Variants in CFAP77 observed in about 807,000 individuals in gnomAD.
CFAP77 encodes the protein cilia and flagella associated protein 77.
A neutral mutation model predicts 31.1 loss-of-function variants in CFAP77; 25 were observed. The ratio of observed to expected loss-of-function variants is 0.80; its 90% CI spans 0.59 to 1.12. CFAP77 has a LOEUF of 1.12. Among genes scored for constraint, CFAP77 ranks in the 50% most tolerant of loss-of-function variants. The probability of loss-of-function intolerance (pLI) is 0.00; values close to 1 mark genes in which losing one functional copy is unlikely to be tolerated. For missense variants in CFAP77, 377 were observed against 397.3 expected, an observed-to-expected ratio of 0.95 and a Z score of 0.44; for synonymous variants, 151 against 159.9, an observed-to-expected ratio of 0.94 and a Z score of 0.42.
intron 1 of CFAP77, among the ~76,000 whole-genome samples, chr9:132,487,968 C>A (rs545402452): frequency 6.6e-6 from 1 of 152,132 alleles, no homozygotes; most frequent in East Asian, 1.9e-4. Context: ...AACTACCCCC[C>A]CATGAGCAAA....
chr9:132,460,882 C>G (rs539042555), intron 1 of CFAP77, among the ~76,000 whole-genome samples: 1 of 152,038 alleles, frequency 6.6e-6, no homozygotes, highest in African/African-American at 2.4e-5. Context: ...CCCGCCACCA[C>G]GCCCAGCTAA....
At chr9:132,458,342 C>CGGGGGGGG (rs1554738844) in intron 1 of CFAP77, among the ~76,000 whole-genome samples, 4 of 71,222 alleles carry the variant, frequency 5.6e-5, no homozygotes, top group East Asian at 7.3e-4. Context: ...GTCTCCCTGG[C>CGGGGGGGG]GGGGGAGGGG....
At chr9:132,452,715 A>G (rs56078322) in intron 1 of CFAP77, among the ~76,000 whole-genome samples, 12,769 of 152,208 alleles carry the variant, frequency 0.084, 518 homozygotes, top group Middle Eastern at 0.14. Context: ...GGATATAAAG[A>G]AGAGGTGCCC....
chr9:132,432,960 C>T (rs1000337343), intron 1 of CFAP77, among the ~76,000 whole-genome samples: 5 of 152,206 alleles, frequency 3.3e-5, no homozygotes, highest in Middle Eastern at 3.4e-3. Flanking sequence ...GTGATCTGCC[C>T]GCCTCAGCCT....
chr9:132,488,489 GA>G (rs1253012904), intron 1 of CFAP77, among the ~76,000 whole-genome samples: 4 of 151,952 alleles, frequency 2.6e-5, no homozygotes, highest in African/African-American at 7.3e-5. Context: ...TAGTTAAGGG[GA>G]AAAAAAAGTA....
chr9:132,486,594 T>G (rs935522877), intron 1 of CFAP77, among the ~76,000 whole-genome samples: 1 of 152,208 alleles, frequency 6.6e-6, no homozygotes, highest in Non-Finnish European at 1.5e-5. Flanking sequence ...ATTAGTTCCT[T>G]CCAACCTCTC....
At chr9:132,444,435 G>A (rs1325998275) in intron 1 of CFAP77, among the ~76,000 whole-genome samples, 3 of 152,208 alleles carry the variant, frequency 2.0e-5, no homozygotes, top group Non-Finnish European at 4.4e-5. Context: ...AACGAGAGGG[G>A]AATGAAGCAG....
intron 5 of CFAP77, among the ~76,000 whole-genome samples, chr9:132,567,856 G>A (rs1829905848): frequency 6.6e-6 from 1 of 152,102 alleles, no homozygotes; most frequent in Non-Finnish European, 1.5e-5. Flanking sequence ...TGTCTCCTCT[G>A]TGTCTTCTGT....
At chr9:132,537,529 GGCGGGCGGTGGGGA>G (rs1852565677) in intron 3 of CFAP77, 58 bp from the exon 4 acceptor site, 2 of 1,108,468 alleles carry the variant, frequency 1.8e-6, no homozygotes, top group African/African-American at 1.6e-5. Flanking sequence ...GGCTCCCGGG[GGCGGGCGGTGGGGA>G]GCGGGTGCCT....
At chr9:132,536,834 C>T (rs891473990) in intron 3 of CFAP77, among the ~76,000 whole-genome samples, 4 of 152,266 alleles carry the variant, frequency 2.6e-5, no homozygotes, top group South Asian at 2.1e-4. Flanking sequence ...GTCTGCCTTG[C>T]GGTGCTTCCC....
At chr9:132,479,573 A>G (rs896821012) in intron 1 of CFAP77, among the ~76,000 whole-genome samples, 1 of 152,160 alleles carries the variant, frequency 6.6e-6, no homozygotes, top group African/African-American at 2.4e-5. Flanking sequence ...ACCTCCCACC[A>G]GTGATGCTCC....
chr9:132,445,293 C>T (rs1475105272), intron 1 of CFAP77, among the ~76,000 whole-genome samples: 1 of 152,112 alleles, frequency 6.6e-6, no homozygotes, highest in African/African-American at 2.4e-5. Context: ...TATTTTCTGT[C>T]TCTATGAATC....
At chr9:132,458,357 G>GGGGGGGGGGGGGGGGGGGT (rs139008147) in intron 1 of CFAP77, among the ~76,000 whole-genome samples, 1 of 119,046 alleles carries the variant, frequency 8.4e-6, no homozygotes, top group African/African-American at 3.2e-5. Flanking sequence ...GAGGGGGGGG[G>GGGGGGGGGGGGGGGGGGGT]GTGTGTATGG....
chr9:132,499,243 T>C lies in CFAP77; in HGVS notation c.296-129T>C, dbSNP rs1311555442. ...ATGCTTTCTGGGGGCCAGGCAGGGT[T>C]GTCACCCAGTAGGCTCAGGTAAATG... is the stretch of plus-strand genomic sequence containing the variant. On this transcript the variant is annotated intron_variant, in intron 2 of 5. Transcript: ENST00000393216. This position sits in a 1 kb window ranked among gnomAD's most constrained non-coding sequence, Gnocchi z 5.4. 1.3e-5 allele frequency: 10 copies of C among 770,252 alleles called. No individual in the cohort carries two copies. Among genetic ancestry groups the C allele is most frequent in the Non-Finnish European group, 2.1e-5 (10 of 481,380 alleles). 47.7% of individuals were successfully genotyped at this position (770,252 alleles called of 1,614,324 possible).
chr9:132,567,061 C>T (rs745520181), intron 5 of CFAP77, among the ~76,000 whole-genome samples: 3 of 152,222 alleles, frequency 2.0e-5, no homozygotes, highest in Non-Finnish European at 4.4e-5. Context: ...AGAGGAGGAG[C>T]CCTTCCTTGA....
At chr9:132,559,977 G>T (rs545844563) in intron 5 of CFAP77, among the ~76,000 whole-genome samples, 2 of 152,300 alleles carry the variant, frequency 1.3e-5, no homozygotes, top group South Asian at 4.1e-4. Context: ...CCAAAATAGG[G>T]AAAGCCACAC....
chr9:132,431,360 G>C (rs1351093467), intron 1 of CFAP77, among the ~76,000 whole-genome samples: 1 of 152,166 alleles, frequency 6.6e-6, no homozygotes, highest in Non-Finnish European at 1.5e-5. Context: ...GCACACCTCA[G>C]AAGTATATTT....
intron 3 of CFAP77, among the ~76,000 whole-genome samples, chr9:132,507,786 C>T (rs1462012581): frequency 2.0e-5 from 3 of 152,190 alleles, no homozygotes; most frequent in Non-Finnish European, 4.4e-5. Context: ...GAGACCACGT[C>T]TGCATTTATT....
chr9:132,553,227 C>G (rs1852849532), intron 5 of CFAP77, among the ~76,000 whole-genome samples: 1 of 152,188 alleles, frequency 6.6e-6, no homozygotes, highest in African/African-American at 2.4e-5. Flanking sequence ...GGGCCCCACC[C>G]TCACGATCCC....
Sources: allele counts gnomAD v4.1 joint callset (sites outside exome capture counted in the v4.1 genomes callset), GRCh38; gene constraint gnomAD v4.1.1; non-coding constraint Gnocchi (gnomAD v3.1); transcripts MANE v1.5; gene names NCBI Gene and HGNC (gene_info 2026-07-23, HGNC 2026-07-21).